The following SRBD1 variants were observed in gnomAD, a reference collection of about 807,000 sequenced individuals.
SRBD1 encodes the protein S1 RNA binding domain 1.
In SRBD1, 88 loss-of-function variants were observed where a neutral mutation model predicts 115.3. That is an observed-to-expected ratio of 0.76 (90% CI 0.64 to 0.91). The LOEUF is 0.91. SRBD1 is among the 40% of genes least tolerant of loss of function. The probability of loss-of-function intolerance (pLI) is 0.00; values close to 1 mark genes in which losing one functional copy is unlikely to be tolerated. For missense variants in SRBD1, 1,385 were observed against 1,177.4 expected, an observed-to-expected ratio of 1.18 and a Z score of -2.58; for synonymous variants, 509 against 407.7, an observed-to-expected ratio of 1.25 and a Z score of -2.99.
At chr2:45,539,651 G>T (rs1396139246) in intron 14 of SRBD1, among the ~76,000 whole-genome samples, 1 of 152,102 alleles carries the variant, frequency 6.6e-6, no homozygotes, top group Non-Finnish European at 1.5e-5. Flanking sequence ...CTACCTGGGT[G>T]GTCAGAAAAA....
chr2:45,541,860 G>A (rs564323953), intron 14 of SRBD1, among the ~76,000 whole-genome samples: 1 of 152,216 alleles, frequency 6.6e-6, no homozygotes, highest in Admixed American at 6.5e-5. Context: ...GGCTCAGAAG[G>A]GAGGAATGCA....
chr2:45,516,518 A>AC (rs1418303346), intron 14 of SRBD1, among the ~76,000 whole-genome samples: 1 of 152,242 alleles, frequency 6.6e-6, no homozygotes, highest in Non-Finnish European at 1.5e-5. Flanking sequence ...ACACACACAC[A>AC]CAACAGATAT....
Position 45,581,741 on chromosome 2 carries a change from C to G in SRBD1, c.885G>C (p.Leu295Phe). 7.4e-6 allele frequency: 12 copies of G among 1,613,594 alleles called. No homozygotes were observed. The highest frequency in any genetic ancestry group is 2.2e-5 in the East Asian group (1 of 44,750). Residue 295 changes from leucine (L) to phenylalanine (F), a missense_variant, in exon 6 of 21, where the codon TTG (leucine) becomes TTC (phenylalanine). Transcript: ENST00000263736. ...IKKEGKMSEC[L>F]LKAMLNCKTF... ...TTTTACAATTCAGCATGGCTTTTAA[C>G]AAGCACTCAGACATCTTCCCTTCCT...
chr2:45,440,518 C>G (rs79400183), intron 16 of SRBD1, among the ~76,000 whole-genome samples: 3,818 of 152,244 alleles, frequency 0.025, 167 homozygotes, highest in African/African-American at 0.087. Context: ...TATCTGCCCC[C>G]ATGTGTGGTC....
intron 2 of SRBD1, among the ~76,000 whole-genome samples, chr2:45,604,717 A>G (rs879901179): frequency 2.6e-5 from 4 of 152,168 alleles, no homozygotes; most frequent in Non-Finnish European, 5.9e-5. Flanking sequence ...ATCTTCCGCA[A>G]TAACTTTCTG....
chr2:45,419,193 A>G (rs1667925245), intron 17 of SRBD1, among the ~76,000 whole-genome samples: 1 of 152,248 alleles, frequency 6.6e-6, no homozygotes, highest in African/African-American at 2.4e-5. Flanking sequence ...AGTTTCTGCT[A>G]TACCTGTTTC....
At chr2:45,503,915 A>T (rs1443488208) in intron 14 of SRBD1, among the ~76,000 whole-genome samples, 1 of 152,200 alleles carries the variant, frequency 6.6e-6, no homozygotes, top group Non-Finnish European at 1.5e-5. Context: ...GGCAGAATCC[A>T]GTTAAAAGAT....
intron 15 of SRBD1, among the ~76,000 whole-genome samples, chr2:45,477,360 T>C (rs943619713): frequency 4.6e-5 from 7 of 152,202 alleles, no homozygotes; most frequent in Non-Finnish European, 8.8e-5. Context: ...TTACTCCCTA[T>C]ACTTACATGA....
At chr2:45,578,569 G>A (rs1254010699) in intron 7 of SRBD1, among the ~76,000 whole-genome samples, 1 of 152,112 alleles carries the variant, frequency 6.6e-6, no homozygotes, top group East Asian at 1.9e-4. Context: ...AATAAAAACA[G>A]GCTATAGTAT....
intron 16 of SRBD1, among the ~76,000 whole-genome samples, chr2:45,467,152 T>G (rs996368910): frequency 3.9e-5 from 6 of 152,208 alleles, no homozygotes; most frequent in Admixed American, 3.9e-4. Flanking sequence ...TAGCATATTG[T>G]CAGATGATAT....
chr2:45,422,848 A>G (rs1018215347), intron 16 of SRBD1, among the ~76,000 whole-genome samples: 1 of 152,220 alleles, frequency 6.6e-6, no homozygotes, highest in Non-Finnish European at 1.5e-5. Context: ...AGCAACTGTA[A>G]TATTTTAACT....
At chr2:45,513,431 AAAC>A (rs1558446066) in intron 14 of SRBD1, among the ~76,000 whole-genome samples, 2 of 151,972 alleles carry the variant, frequency 1.3e-5, no homozygotes, top group Non-Finnish European at 2.9e-5. Context: ...GAAAAAAAAA[AAAC>A]AACTGACCAG....
chr2:45,420,868 CTTA>C (rs1165656755), intron 16 of SRBD1, among the ~76,000 whole-genome samples: 1 of 151,940 alleles, frequency 6.6e-6, no homozygotes, highest in Non-Finnish European at 1.5e-5. Context: ...TTATTTTATT[CTTA>C]TTATTATACT....
intron 16 of SRBD1, among the ~76,000 whole-genome samples, chr2:45,451,499 T>A (rs1398735984): frequency 6.6e-6 from 1 of 151,996 alleles, no homozygotes; most frequent in East Asian, 1.9e-4. Flanking sequence ...TATCAGAGAT[T>A]TTGTGGAAGA....
intron 15 of SRBD1, among the ~76,000 whole-genome samples, chr2:45,477,787 C>A (rs550858736): frequency 6.6e-6 from 1 of 152,280 alleles, no homozygotes; most frequent in Admixed American, 6.5e-5. Flanking sequence ...TTGAATATGA[C>A]TGCAAGATTG....
In SRBD1 at chr2:45,449,071, T is replaced by C. The variant is rs149064037; in HGVS notation, c.2049+27922A>G. The stretch of plus-strand genomic sequence containing the variant: ...TCTTTGGAAGTTTAATTTTAAACGA[T>C]TGCAGATTATTCAATTATATGAACA... On this transcript the variant is annotated intron_variant, in intron 16 of 20. Coordinates refer to ENST00000263736, the MANE Select transcript of SRBD1 (RefSeq NM_018079.5). Among the ~76,000 whole-genome samples, 460 of 152,342 alleles carry C rather than the reference T, an allele frequency of 3.0e-3. 1 individual carries two copies. The highest frequency in any genetic ancestry group is 0.01 in the African/African-American group (434 of 41,578).
intron 14 of SRBD1, among the ~76,000 whole-genome samples, chr2:45,502,120 T>A (rs996129645): frequency 6.6e-6 from 1 of 152,226 alleles, no homozygotes; most frequent in African/African-American, 2.4e-5. Flanking sequence ...GCAGCAACAT[T>A]TGCTGTTCAG....
intron 16 of SRBD1, among the ~76,000 whole-genome samples, chr2:45,428,538 C>T (rs949890847): frequency 1.3e-5 from 2 of 151,404 alleles, no homozygotes; most frequent in South Asian, 4.2e-4. Flanking sequence ...GGCGACAGAA[C>T]GAGACTCCGT....
intron 14 of SRBD1, among the ~76,000 whole-genome samples, chr2:45,517,590 T>G (rs1178968265): frequency 1.3e-5 from 2 of 152,224 alleles, no homozygotes; most frequent in East Asian, 1.9e-4. Context: ...AAAAGTTAAC[T>G]CTCAACTCAG....
Sources: gnomAD v4.1 joint callset for allele counts (sites outside exome capture counted in the v4.1 genomes callset) on GRCh38, gnomAD v4.1.1 for gene constraint, MANE v1.5 for transcripts, NCBI Gene and HGNC (gene_info 2026-07-23, HGNC 2026-07-21) for gene names.